Variants in L2HGDH observed in about 807,000 individuals in gnomAD.
L2HGDH encodes the protein L-2-hydroxyglutarate dehydrogenase.
L2HGDH carries 34 observed loss-of-function variants against 51.5 expected under a neutral mutation model. The ratio of observed to expected loss-of-function variants is 0.66; its 90% CI spans 0.50 to 0.88. The LOEUF (loss-of-function observed/expected upper bound fraction) is 0.88. Ranked by LOEUF, L2HGDH falls within the 40% of genes least tolerant of loss-of-function variation. The probability of loss-of-function intolerance (pLI) is 0.00; values close to 1 mark genes in which losing one functional copy is unlikely to be tolerated. For missense variants in L2HGDH, 558 were observed against 571.9 expected (o/e 0.98, Z 0.25); for synonymous variants, 198 against 197.9 (o/e 1.00, Z -0.01).
intron 5 of L2HGDH, among the ~76,000 whole-genome samples, chr14:50,280,970 A>G (rs1890234576): frequency 6.8e-6 from 1 of 146,612 alleles, no homozygotes; most frequent in Non-Finnish European, 1.5e-5. Context: ...GTGTGCTACC[A>G]TGCCCAGTGA....
intron 4 of L2HGDH, among the ~76,000 whole-genome samples, chr14:50,284,284 T>C (rs1206070910): frequency 6.6e-6 from 1 of 152,204 alleles, no homozygotes; most frequent in Non-Finnish European, 1.5e-5. Context: ...TCTAGTGAGA[T>C]TTTTCCCAGT....
chr14:50,269,163 C>G lies in L2HGDH; in HGVS notation c.906G>C (p.Pro302=). Residue 302 remains proline (P), a splice_region_variant and synonymous_variant, in exon 7 of 10, where the codon CCG becomes CCC. Coordinates refer to ENST00000267436, the MANE Select transcript of L2HGDH (RefSeq NM_024884.3). Reference sequence around the variant, plus strand: ...AGAAGTAGGAAGCATCATTACCTACCGGATAAATATTTCCTTTTACAAGAT... The same window carrying G: ...AGAAGTAGGAAGCATCATTACCTACGGGATAAATATTTCCTTTTACAAGAT... ...KCYLVKGNIY[P]VPDSRFPFLG... is the part of the protein sequence containing the mutation. 2 of 1,542,296 alleles carry G rather than the reference C, an allele frequency of 1.3e-6. No homozygotes were observed. The highest frequency in any genetic ancestry group is 1.8e-6 in the Non-Finnish European group (2 of 1,133,260).
chr14:50,307,158 A>G (rs2030779271), intron 1 of L2HGDH, among the ~76,000 whole-genome samples: 1 of 152,110 alleles, frequency 6.6e-6, no homozygotes, highest in Non-Finnish European at 1.5e-5. Flanking sequence ...GCTTTTGGGG[A>G]GGTAGACCTT....
At chr14:50,293,116 A>G in intron 4 of L2HGDH, 2 of 652,344 alleles carry the variant, frequency 3.1e-6, no homozygotes, top group Non-Finnish European at 5.6e-6. Flanking sequence ...CCATTTAAAA[A>G]AAAATGGCTA....
chr14:50,297,232 C>CA (rs1282992740), intron 3 of L2HGDH, among the ~76,000 whole-genome samples: 1 of 152,114 alleles, frequency 6.6e-6, no homozygotes, highest in Non-Finnish European at 1.5e-5. Context: ...TTCTGTTCAA[C>CA]ACAGTATTGG....
At chr14:50,306,203 A>ACCATGCCCAGCTAATTTTTGTATTTT (rs2030715664) in intron 1 of L2HGDH, among the ~76,000 whole-genome samples, 1 of 152,064 alleles carries the variant, frequency 6.6e-6, no homozygotes. Context: ...GGTGCGCGCC[A>ACCATGCCCAGCTAATTTTTGTATTTT]CCATGCCCAG....
At chr14:50,265,657 T>TA (rs1889293952) in intron 8 of L2HGDH, among the ~76,000 whole-genome samples, 168 bp from the exon 9 acceptor site, 1 of 152,216 alleles carries the variant, frequency 6.6e-6, no homozygotes, top group Non-Finnish European at 1.5e-5. Context: ...CTCACGCCTG[T>TA]AATCCCAACA....
chr14:50,247,848 G>C (rs957394721), intron 9 of L2HGDH, among the ~76,000 whole-genome samples: 1 of 151,918 alleles, frequency 6.6e-6, no homozygotes, highest in Non-Finnish European at 1.5e-5. Flanking sequence ...AAGATGATAG[G>C]AAAAGCATAA....
chr14:50,259,758 C>T (rs557826821), intron 9 of L2HGDH, among the ~76,000 whole-genome samples: 3 of 151,870 alleles, frequency 2.0e-5, no homozygotes, highest in South Asian at 4.2e-4. Flanking sequence ...CACCTGAACC[C>T]GGGAAGCAGA....
At chr14:50,272,108 T>C (rs984211628) in intron 6 of L2HGDH, among the ~76,000 whole-genome samples, 1 of 152,252 alleles carries the variant, frequency 6.6e-6, no homozygotes, top group African/African-American at 2.4e-5. Flanking sequence ...GCCTCTGCAC[T>C]TCAGCCTGGG....
At chr14:50,267,568 G>A (rs553432851) in intron 8 of L2HGDH, among the ~76,000 whole-genome samples, 185 bp downstream of exon 8, 1 of 149,322 alleles carries the variant, frequency 6.7e-6, no homozygotes, top group Non-Finnish European at 1.5e-5. Context: ...TTTTTTTTTT[G>A]TTTGTTTGTT....
intron 1 of L2HGDH, among the ~76,000 whole-genome samples, chr14:50,305,276 T>C (rs920085919): frequency 2.0e-5 from 3 of 152,104 alleles, no homozygotes; most frequent in Non-Finnish European, 4.4e-5. Flanking sequence ...GATAAAATGG[T>C]TGTCAAGGAT....
intron 1 of L2HGDH, among the ~76,000 whole-genome samples, chr14:50,305,961 T>C (rs1383768460): frequency 6.6e-6 from 1 of 152,238 alleles, no homozygotes; most frequent in Non-Finnish European, 1.5e-5. Flanking sequence ...TGTTATTTTT[T>C]ACTGTTTTTT....
chr14:50,311,195 G>C (rs1384140974), intron 1 of L2HGDH: 1 of 364,124 alleles, frequency 2.7e-6, no homozygotes, highest in African/African-American at 2.1e-5. Context: ...GCCCGCCTCG[G>C]CCTCCTAAAG....
intron 4 of L2HGDH, among the ~76,000 whole-genome samples, chr14:50,287,626 GT>G (rs970253816): frequency 3.2e-4 from 43 of 132,758 alleles, no homozygotes; most frequent in Middle Eastern, 4.4e-3. Context: ...ATCAATGAAA[GT>G]TTTTTTTTAA....
At chr14:50,275,564 G>A (rs1201283977) in intron 6 of L2HGDH, among the ~76,000 whole-genome samples, 1 of 152,198 alleles carries the variant, frequency 6.6e-6, no homozygotes, top group Non-Finnish European at 1.5e-5. Context: ...CAAATGAAAT[G>A]CAGCTATAGG....
chr14:50,286,215 T>C lies in L2HGDH; in HGVS notation c.541-2182A>G, dbSNP rs189040288. ...AACAGATGAACATGTGATTGACCAATAGTGCTAACAAAATGGCAAAAGCAG... is the reference window on the plus strand; with the variant it reads ...AACAGATGAACATGTGATTGACCAACAGTGCTAACAAAATGGCAAAAGCAG... On this transcript the variant is annotated intron_variant, in intron 4 of 9. Transcript: ENST00000267436. Among the ~76,000 whole-genome samples the C allele has an allele frequency of 7.9e-5, 12 of 152,126 alleles. No homozygotes were observed. In the East Asian group the frequency reaches 1.9e-3, roughly 24 times the overall value.
rs1888054512 is a variant in L2HGDH at position 50,247,172 on chromosome 14, C to T, written c.1278G>A (p.Gly426=). 3 of 1,614,096 alleles carry T rather than the reference C, an allele frequency of 1.9e-6. No individual in the cohort carries two copies. Among genetic ancestry groups the T allele is most frequent in the African/African-American group, 1.3e-5 (1 of 75,014 alleles). The part of the protein sequence containing the change: ...VEDFVFDAGV[G]DIGNRILHVR... ...CATGAAGAATGCGATTTCCAATATC[C>T]CCAACTCCTGCATCAAATACAAAAT... Residue 426 remains glycine (G), a synonymous_variant, in exon 10 of 10, where the codon GGG becomes GGA. Coordinates refer to ENST00000267436, the MANE Select transcript of L2HGDH (RefSeq NM_024884.3).
At chr14:50,310,204 G>A (rs1221347943) in intron 1 of L2HGDH, among the ~76,000 whole-genome samples, 3 of 151,910 alleles carry the variant, frequency 2.0e-5, no homozygotes, top group Admixed American at 2.0e-4. Context: ...GGGGTGAAGG[G>A]TACATGGGAT....
Sources: gnomAD v4.1 joint callset for allele counts (sites outside exome capture counted in the v4.1 genomes callset) on GRCh38, gnomAD v4.1.1 for gene constraint, MANE v1.5 for transcripts, NCBI Gene and HGNC (gene_info 2026-07-23, HGNC 2026-07-21) for gene names.